GRIN2B: variants seen among roughly 807,000 people sequenced by gnomAD.
GRIN2B encodes the protein glutamate ionotropic receptor NMDA type subunit 2B, also known as glutamate receptor ionotropic, NMDA 2B.
A neutral mutation model predicts 114.5 loss-of-function variants in GRIN2B; 5 were observed. The ratio of observed to expected loss-of-function variants is 0.04; its 90% CI spans 0.02 to 0.09. The LOEUF is 0.09. Among genes scored for constraint, GRIN2B ranks in the 10% least tolerant of loss-of-function variants. The pLI is 1.00. For missense variants in GRIN2B, 1,108 were observed against 1,943.5 expected (o/e 0.57, Z 8.08); for synonymous variants, 787 against 745.1 (o/e 1.06, Z -0.92).
chr12:13,840,133 T>A (rs185677676), intron 3 of GRIN2B, among the ~76,000 whole-genome samples: 36 of 152,222 alleles, frequency 2.4e-4, no homozygotes, highest in South Asian at 4.2e-4. Flanking sequence ...GCCACTACAG[T>A]GCGTAACGTA....
At chr12:13,585,198 A>T (rs1396023382) in intron 10 of GRIN2B, among the ~76,000 whole-genome samples, 2 of 152,148 alleles carry the variant, frequency 1.3e-5, no homozygotes, top group Non-Finnish European at 2.9e-5. Context: ...TAGCACAATC[A>T]CCTGAGGTTC....
intron 2 of GRIN2B, among the ~76,000 whole-genome samples, chr12:13,872,501 A>T (rs1399381333): frequency 6.6e-6 from 1 of 151,904 alleles, no homozygotes; most frequent in Admixed American, 6.6e-5. Context: ...TATATTTTTT[A>T]AATAGTAATC....
At chr12:13,860,188 AG>A (rs1250560052) in intron 3 of GRIN2B, among the ~76,000 whole-genome samples, 1 of 152,232 alleles carries the variant, frequency 6.6e-6, no homozygotes, top group Non-Finnish European at 1.5e-5. Context: ...GGTAGAGGAT[AG>A]GGGAAGAGGG....
At chr12:13,835,733 A>C (rs558020204) in intron 3 of GRIN2B, among the ~76,000 whole-genome samples, 1 of 147,976 alleles carries the variant, frequency 6.8e-6, no homozygotes, top group Non-Finnish European at 1.5e-5. Flanking sequence ...GGATGTAAAG[A>C]GGCACAGGAG....
At chr12:13,942,625 T>G (rs1427764630) in intron 2 of GRIN2B, among the ~76,000 whole-genome samples, 2 of 152,228 alleles carry the variant, frequency 1.3e-5, no homozygotes, top group Admixed American at 1.3e-4. Flanking sequence ...TAGGCCTAAG[T>G]TAGATAATCA....
At position 13,708,600 on chromosome 12, in the gene GRIN2B, T is replaced by A. The variant is rs577863148; in HGVS notation, c.1011-32741A>T. Among the ~76,000 whole-genome samples the A allele has an allele frequency of 3.2e-4, 49 of 152,220 alleles. No homozygotes were observed. The South Asian group carries it at 0.01, about 32-fold the overall frequency. ...GGCATTTGAAGAGGAGAGGAGACAT[T>A]GAATTTGTGGGGTTTTTTGAGCACT... On this transcript the variant is annotated intron_variant, in intron 4 of 13. Coordinates refer to ENST00000609686, the MANE Select transcript of GRIN2B (RefSeq NM_000834.5).
At chr12:13,974,636 A>G (rs933139718) in intron 2 of GRIN2B, among the ~76,000 whole-genome samples, 3 of 152,064 alleles carry the variant, frequency 2.0e-5, no homozygotes, top group African/African-American at 7.2e-5. Context: ...CAACCCCTCC[A>G]TGAAGCCCTC....
At chr12:13,591,727 G>A (rs1949011374) in intron 10 of GRIN2B, among the ~76,000 whole-genome samples, 1 of 152,132 alleles carries the variant, frequency 6.6e-6, no homozygotes, top group Non-Finnish European at 1.5e-5. Context: ...ATGAATGAGG[G>A]CCATGGTTGC....
At chr12:13,900,584 T>G (rs1355060684) in intron 2 of GRIN2B, among the ~76,000 whole-genome samples, 1 of 152,100 alleles carries the variant, frequency 6.6e-6, no homozygotes, top group Non-Finnish European at 1.5e-5. Flanking sequence ...TCCAAAAATG[T>G]CCCTGTGTGC....
chr12:13,833,104 T>C (rs1362567514), intron 3 of GRIN2B, among the ~76,000 whole-genome samples: 1 of 152,222 alleles, frequency 6.6e-6, no homozygotes, highest in African/African-American at 2.4e-5. Flanking sequence ...GGAAGCTTCT[T>C]GAGAACAGTG....
chr12:13,890,538 C>T (rs1866240896), intron 2 of GRIN2B, among the ~76,000 whole-genome samples: 1 of 152,120 alleles, frequency 6.6e-6, no homozygotes, highest in Non-Finnish European at 1.5e-5. Flanking sequence ...TGGCAGCAAT[C>T]TGGTTGGAGA....
chr12:13,912,547 G>A (rs886491846), intron 2 of GRIN2B, among the ~76,000 whole-genome samples: 1 of 152,178 alleles, frequency 6.6e-6, no homozygotes, highest in Non-Finnish European at 1.5e-5. Flanking sequence ...CCTCCTGCTC[G>A]GAGCTCCGTA....
intron 10 of GRIN2B, among the ~76,000 whole-genome samples, chr12:13,574,017 A>G (rs978416493): frequency 6.6e-6 from 1 of 152,208 alleles, no homozygotes; most frequent in African/African-American, 2.4e-5. Flanking sequence ...TTTTAAGTGG[A>G]TAAAGACACT....
chr12:13,618,871 A>G (rs575864930), intron 5 of GRIN2B, among the ~76,000 whole-genome samples: 1 of 150,358 alleles, frequency 6.7e-6, no homozygotes, highest in Non-Finnish European at 1.5e-5. Flanking sequence ...TATCTGTGGG[A>G]AAAAATGCTA....
At chr12:13,592,598 A>T (rs1298684278) in intron 10 of GRIN2B, among the ~76,000 whole-genome samples, 1 of 152,226 alleles carries the variant, frequency 6.6e-6, no homozygotes, top group Non-Finnish European at 1.5e-5. Flanking sequence ...AAAGGCCAGA[A>T]ATGGGTAATG....
intron 3 of GRIN2B, among the ~76,000 whole-genome samples, chr12:13,804,007 T>C (rs996213558): frequency 2.0e-5 from 3 of 152,200 alleles, no homozygotes; most frequent in Non-Finnish European, 2.9e-5. Context: ...CTAAGTACTT[T>C]ATTCACCATT....
At chr12:13,843,405 T>C (rs1176495876) in intron 3 of GRIN2B, among the ~76,000 whole-genome samples, 1 of 152,172 alleles carries the variant, frequency 6.6e-6, no homozygotes, top group Non-Finnish European at 1.5e-5. Context: ...ATTTTTGTAT[T>C]TTTATAATAT....
At chr12:13,907,628 G>A (rs1866563086) in intron 2 of GRIN2B, among the ~76,000 whole-genome samples, 1 of 152,100 alleles carries the variant, frequency 6.6e-6, no homozygotes, top group East Asian at 1.9e-4. Context: ...AACAGGGAAT[G>A]GTATTGACTG....
chr12:13,707,592 G>T (rs527612457), intron 4 of GRIN2B, among the ~76,000 whole-genome samples: 1 of 151,970 alleles, frequency 6.6e-6, no homozygotes, highest in African/African-American at 2.4e-5. Flanking sequence ...AACTAAATCA[G>T]GGAAATCAAT....
Sources: gnomAD v4.1 joint callset for allele counts (sites outside exome capture counted in the v4.1 genomes callset) on GRCh38, gnomAD v4.1.1 for gene constraint, MANE v1.5 for transcripts, NCBI Gene and HGNC (gene_info 2026-07-23, HGNC 2026-07-21) for gene names.